Variants in PITPNC1 observed in about 807,000 individuals in gnomAD.
The protein encoded by PITPNC1 is cytoplasmic phosphatidylinositol transfer protein 1.
In PITPNC1, 18 loss-of-function variants were observed where a neutral mutation model predicts 44.7. The ratio of observed to expected loss-of-function variants is 0.40; its 90% CI spans 0.28 to 0.60. The LOEUF is 0.60. Among genes scored for constraint, PITPNC1 ranks in the 20% least tolerant of loss-of-function variants. The pLI, the probability that PITPNC1 is intolerant of heterozygous loss-of-function variation, is 0.39. For synonymous variants in PITPNC1, 141 were observed against 149.6 expected (o/e 0.94, Z 0.42); for missense variants, 290 against 418.4 (o/e 0.69, Z 2.68).
intron 5 of PITPNC1, among the ~76,000 whole-genome samples, chr17:67,610,363 T>G (rs761231673): frequency 6.6e-6 from 1 of 152,220 alleles, no homozygotes; most frequent in African/African-American, 2.4e-5. Flanking sequence ...TGAGGCAAGA[T>G]TCTCAAAATA....
chr17:67,462,885 A>G (rs1417985073), intron 1 of PITPNC1, among the ~76,000 whole-genome samples: 1 of 152,028 alleles, frequency 6.6e-6, no homozygotes, highest in Non-Finnish European at 1.5e-5. Context: ...TATTTTTAGT[A>G]GAGGCGGGGT....
At chr17:67,502,834 C>A (rs1483240992) in intron 1 of PITPNC1, among the ~76,000 whole-genome samples, 1 of 150,316 alleles carries the variant, frequency 6.7e-6, no homozygotes, top group Non-Finnish European at 1.5e-5. Flanking sequence ...GCTCTGTCAC[C>A]CAGGCTGGAG....
At chr17:67,652,456 C>G (rs185164804) in intron 6 of PITPNC1, among the ~76,000 whole-genome samples, 1 of 152,346 alleles carries the variant, frequency 6.6e-6, no homozygotes, top group East Asian at 1.9e-4. Context: ...CGAAGTCCAT[C>G]TGGCCCCAGG....
At chr17:67,559,938 A>G (rs1474191972) in intron 4 of PITPNC1, among the ~76,000 whole-genome samples, 1 of 152,210 alleles carries the variant, frequency 6.6e-6, no homozygotes, top group Non-Finnish European at 1.5e-5. Flanking sequence ...GACCGGTGTC[A>G]TCACAGAGCC....
At chr17:67,511,852 G>A (rs769644002) in intron 1 of PITPNC1, among the ~76,000 whole-genome samples, 11 of 152,102 alleles carry the variant, frequency 7.2e-5, no homozygotes, top group Non-Finnish European at 1.0e-4. Context: ...GATGGGAAAT[G>A]TTTTAGTTTA....
At chr17:67,386,888 C>T (rs1183309978) in intron 1 of PITPNC1, among the ~76,000 whole-genome samples, 1 of 151,838 alleles carries the variant, frequency 6.6e-6, no homozygotes, top group Admixed American at 6.6e-5. Flanking sequence ...CAAATTCAGC[C>T]CACCGGGAGA....
intron 4 of PITPNC1, among the ~76,000 whole-genome samples, chr17:67,575,819 TTTCCTTCCTTCCTTCCTTCC>T (rs1173397726): frequency 9.2e-6 from 1 of 108,462 alleles, no homozygotes; most frequent in Admixed American, 9.6e-5. Context: ...TCTTTCTTTC[TTTCCTTCCTTCCTTCCTTCC>T]TTCTTTCTTT....
rs1350161981 is a variant in PITPNC1 at position 67,432,439 on chromosome 17, G to T, written c.48+54237G>T. 2.0e-5 allele frequency among the ~76,000 whole-genome samples: 3 copies of T among 152,326 alleles called. No homozygotes were observed. The East Asian group carries it at 5.8e-4, about 29-fold the overall frequency. On this transcript the variant is annotated intron_variant, in intron 1 of 8. Transcript: ENST00000581322. ...GGAGGTGGAGCTTGCAGTGAGCCGA[G>T]CTTGCAGTGAGCCGAGATTGCACCA...
rs548047279 is a variant in PITPNC1, at chr17:67,405,589, TTTTCTTTC to T, written c.48+27403_48+27410del. 3.3e-5 allele frequency among the ~76,000 whole-genome samples: 5 copies of T among 151,870 alleles called. No homozygotes were observed. In the East Asian group the frequency reaches 7.7e-4, roughly 23 times the overall value. ...TAGAATGTTACGAGTTTACTCAACA[TTTTCTTTC>T]TTTCTTTCTTTCTTTTTTTTTTTTT... On this transcript the variant is annotated intron_variant, in intron 1 of 8. Coordinates refer to ENST00000581322, the MANE Select transcript of PITPNC1 (RefSeq NM_012417.4).
At chr17:67,385,197 C>G (rs900831059) in intron 1 of PITPNC1, among the ~76,000 whole-genome samples, 16 of 152,186 alleles carry the variant, frequency 1.1e-4, no homozygotes, top group Non-Finnish European at 1.9e-4. Context: ...CGCTCTGTAG[C>G]TAGCTAGAGA....
chr17:67,409,071 C>CTTTTTT lies in PITPNC1; in HGVS notation c.48+30888_48+30893dup, dbSNP rs1159310735. On this transcript the variant is annotated intron_variant, in intron 1 of 8. Coordinates refer to ENST00000581322, the MANE Select transcript of PITPNC1 (RefSeq NM_012417.4). ...TGTGGGGTAGGGGTCCAAATTCATTCTTTTTTTTTTTTTTTTTTTTTTTTG... is the reference window on the plus strand; with the variant it reads ...TGTGGGGTAGGGGTCCAAATTCATTCTTTTTTTTTTTTTTTTTTTTTTTTTTTTTTG... 6.4e-3 allele frequency among the ~76,000 whole-genome samples: 513 copies of CTTTTTT among 80,518 alleles called. 26 individuals are homozygous for CTTTTTT. Among genetic ancestry groups the CTTTTTT allele is most frequent in the Non-Finnish European group, 7.1e-3 (315 of 44,458 alleles). The allele number at this position is 80,518 out of a possible 152,430, so 52.8% of individuals were successfully genotyped here.
chr17:67,460,528 ATTCTCCTGCC>A (rs2039320363), intron 1 of PITPNC1, among the ~76,000 whole-genome samples: 1 of 151,842 alleles, frequency 6.6e-6, no homozygotes, highest in African/African-American at 2.4e-5. Flanking sequence ...GGCTCAAGCA[ATTCTCCTGCC>A]TCAGCCTCCC....
chr17:67,541,468 TAC>T (rs3051696), intron 2 of PITPNC1, among the ~76,000 whole-genome samples: 23,716 of 149,484 alleles, frequency 0.16, 1,946 homozygotes, highest in African/African-American at 0.21. Context: ...CAATTATACA[TAC>T]ACACACACAC....
chr17:67,454,847 T>C (rs1157627217), intron 1 of PITPNC1, among the ~76,000 whole-genome samples: 1 of 144,402 alleles, frequency 6.9e-6, no homozygotes, highest in Non-Finnish European at 1.5e-5. Flanking sequence ...TGAGTCAGGG[T>C]CTCACTGTGT....
intron 5 of PITPNC1, among the ~76,000 whole-genome samples, chr17:67,628,829 G>A (rs2041928527): frequency 6.6e-6 from 1 of 152,198 alleles, no homozygotes; most frequent in Admixed American, 6.5e-5. Context: ...CAGGCTTGCA[G>A]CTGGGGCAGA....
At chr17:67,395,865 C>T (rs576578519) in intron 1 of PITPNC1, among the ~76,000 whole-genome samples, 5 of 152,166 alleles carry the variant, frequency 3.3e-5, no homozygotes, top group Admixed American at 6.6e-5. Flanking sequence ...TTGTACTGTG[C>T]GGGCTGGAGA....
chr17:67,651,005 G>A (rs1384023108), intron 6 of PITPNC1, among the ~76,000 whole-genome samples: 1 of 152,182 alleles, frequency 6.6e-6, no homozygotes, highest in Non-Finnish European at 1.5e-5. Context: ...GGTTTGCGGT[G>A]CATTCTAGTG....
At chr17:67,380,127 C>T (rs905527098) in intron 1 of PITPNC1, among the ~76,000 whole-genome samples, 13 of 147,816 alleles carry the variant, frequency 8.8e-5, no homozygotes, top group East Asian at 4.0e-4. Context: ...CAGGGTGGGG[C>T]GCAATGGCGA....
rs1008393553 is a variant in PITPNC1 at position 67,377,864 on chromosome 17, G to C, written c.-291G>C. ...CCACCCTGGGCAGCCGAGCAGAGTC[G>C]TCCCCAGCGGGTCTCCCTCCCTGCC... On this transcript the variant is annotated 5_prime_UTR_variant, in exon 1 of 9. Coordinates refer to ENST00000581322, the MANE Select transcript of PITPNC1 (RefSeq NM_012417.4). 4.7e-5 allele frequency: 17 copies of C among 365,464 alleles called. No homozygotes were observed. Among genetic ancestry groups the C allele is most frequent in the Non-Finnish European group, 7.3e-5 (15 of 205,476 alleles). 22.6% of individuals were successfully genotyped at this position (365,464 alleles called of 1,614,324 possible). A position where few individuals can be genotyped will look rare whatever the true frequency, so the allele number is the denominator to read the frequency against.
Sources: gnomAD v4.1 joint callset for allele counts (sites outside exome capture counted in the v4.1 genomes callset) on GRCh38, gnomAD v4.1.1 for gene constraint, MANE v1.5 for transcripts, NCBI Gene and HGNC (gene_info 2026-07-23, HGNC 2026-07-21) for gene names.